TENM2: variants seen among roughly 807,000 people sequenced by gnomAD.
TENM2 encodes the protein teneurin transmembrane protein 2.
Under a neutral mutation model 245.2 loss-of-function variants are expected in TENM2, and 52 were observed. The ratio of observed to expected loss-of-function variants is 0.21; its 90% CI spans 0.17 to 0.27. TENM2 has a LOEUF of 0.27. Ranked by LOEUF, TENM2 falls within the 10% of genes least tolerant of loss-of-function variation. TENM2 has a pLI of 1.00. For synonymous variants in TENM2, 1,363 were observed against 1,438.9 expected (o/e 0.95, Z 1.19); for missense variants, 3,046 against 3,666.8 (o/e 0.83, Z 4.37).
chr5:167,977,990 C>T (rs1355654554), intron 4 of TENM2, among the ~76,000 whole-genome samples: 1 of 152,118 alleles, frequency 6.6e-6, no homozygotes, highest in Non-Finnish European at 1.5e-5. Context: ...CTATTAGTTC[C>T]TGCAAGATCT....
chr5:166,979,188 C>CAG, the TENM2 span, among the ~76,000 whole-genome samples: 6 of 97,610 alleles, frequency 6.1e-5, no homozygotes, highest in East Asian at 9.6e-4. Flanking sequence ...AGCAGCAGCA[C>CAG]CACCACCAGC....
intron 2 of TENM2, among the ~76,000 whole-genome samples, chr5:167,627,192 T>C (rs1778564585): frequency 6.6e-6 from 1 of 152,194 alleles, no homozygotes; most frequent in Admixed American, 6.5e-5. Context: ...AATCCATAGA[T>C]AATGGATTGA....
At chr5:167,719,717 G>A (rs1369374115) in intron 2 of TENM2, among the ~76,000 whole-genome samples, 2 of 152,196 alleles carry the variant, frequency 1.3e-5, no homozygotes, top group Non-Finnish European at 2.9e-5. Flanking sequence ...CTCAACCAGT[G>A]GCGATTTTGC....
intron 25 of TENM2, among the ~76,000 whole-genome samples, chr5:168,235,482 T>C (rs1765348227): frequency 6.6e-6 from 1 of 152,178 alleles, no homozygotes; most frequent in African/African-American, 2.4e-5. Context: ...TCTTATACCT[T>C]AGCAAGGAGA....
At chr5:167,000,102 C>G in the TENM2 span, among the ~76,000 whole-genome samples, 2 of 152,128 alleles carry the variant, frequency 1.3e-5, no homozygotes, top group Non-Finnish European at 2.9e-5. Context: ...GAAACTCCAT[C>G]AGATTTGGCA....
intron 2 of TENM2, among the ~76,000 whole-genome samples, chr5:167,558,219 G>T (rs4868800): frequency 0.45 from 67,682 of 152,034 alleles, 17,530 homozygotes; most frequent in Non-Finnish European, 0.58. Context: ...AAGCCCATGA[G>T]GCTTGGCCAC....
chr5:168,215,129 G>T lies in TENM2; in HGVS notation c.3935G>T (p.Arg1312Leu), dbSNP rs756307223. The change falls in exon 21 of 29, where the codon CGC becomes CTC. Residue 1312 changes from arginine (R) to leucine (L), a missense_variant. By Grantham distance (102) the Arg-to-Leu change is moderately radical. This residue lies in a region of TENM2 where 2,704 missense variants were observed against 3,331.9 expected (regional missense o/e 0.81). Coordinates refer to ENST00000518659, the Ensembl canonical transcript of TENM2. ...GACACCAACAGCAGGAGAATCTACC[G>T]CGTCAAGTCTCTGAGTGGAACCAAA... 5 of 1,613,746 alleles carry T rather than the reference G, an allele frequency of 3.1e-6. No individual in the cohort carries two copies. The African/African-American group carries it at 5.3e-5, about 17-fold the overall frequency.
At position 167,568,713 on chromosome 5, in the gene TENM2, TATTCAACTTGTTGAAA is replaced by T. The variant is rs538908164; in HGVS notation, c.502+193248_502+193263del. ...AATATATATTTCAAATAAAAGCATT[TATTCAACTTGTTGAAA>T]ATTCAACAATATTGTTCATCACCAT... On this transcript the variant is annotated intron_variant, in intron 2 of 28. Coordinates refer to ENST00000518659, the Ensembl canonical transcript of TENM2. Among the ~76,000 whole-genome samples, 351 of 151,988 alleles carry T rather than the reference TATTCAACTTGTTGAAA, an allele frequency of 2.3e-3. 3 individuals are homozygous for T. Among genetic ancestry groups the T allele is most frequent in the Admixed American group, 1.6e-3 (25 of 15,232 alleles).
At chr5:168,046,771 C>A (rs1407955631) in intron 5 of TENM2, among the ~76,000 whole-genome samples, 2 of 152,152 alleles carry the variant, frequency 1.3e-5, no homozygotes, top group Non-Finnish European at 2.9e-5. Context: ...GACCCCATTC[C>A]ACCATCAACC....
chr5:168,226,509 T>C (rs950951014), intron 24 of TENM2, among the ~76,000 whole-genome samples: 1 of 152,120 alleles, frequency 6.6e-6, no homozygotes, highest in Admixed American at 6.6e-5. Context: ...ACTGTCTACA[T>C]AGTTATCTGA....
At chr5:167,992,860 G>A in intron 4 of TENM2, 84 bp from the exon 7 acceptor site, 1 of 1,043,544 alleles carries the variant, frequency 9.6e-7, no homozygotes, top group Non-Finnish European at 1.5e-6. Context: ...GCTAGGACTA[G>A]ATAGAGCAGA....
intron 7 of TENM2, among the ~76,000 whole-genome samples, chr5:168,081,293 T>TCCTC (rs1443639143): frequency 6.6e-6 from 1 of 152,194 alleles, no homozygotes; most frequent in African/African-American, 2.4e-5. Context: ...TGGTAGATCT[T>TCCTC]CCTCCCTCCC....
At chr5:167,966,936 TTAA>T (rs1244369999) in intron 4 of TENM2, 1 of 152,194 alleles carries the variant, frequency 6.6e-6, no homozygotes, top group Non-Finnish European at 1.5e-5. Context: ...AACATGGAAA[TTAA>T]TGAGACCTTT....
intron 2 of TENM2, among the ~76,000 whole-genome samples, chr5:167,768,082 G>A (rs747567966): frequency 1.4e-4 from 21 of 152,116 alleles, no homozygotes; most frequent in Admixed American, 4.6e-4. Context: ...AGTAATGCGC[G>A]TCTTCCATTA....
At chr5:167,597,842 C>G (rs1776328447) in intron 2 of TENM2, among the ~76,000 whole-genome samples, 1 of 151,984 alleles carries the variant, frequency 6.6e-6, no homozygotes, top group Non-Finnish European at 1.5e-5. Context: ...CATATACATA[C>G]ACACATGTGC....
At chr5:166,993,477 G>T in the TENM2 span, among the ~76,000 whole-genome samples, 1 of 152,170 alleles carries the variant, frequency 6.6e-6, no homozygotes, top group Non-Finnish European at 1.5e-5. Flanking sequence ...CAATTCTAGA[G>T]CCAGGACCCA....
chr5:167,536,230 A>G (rs1430570695), intron 2 of TENM2, among the ~76,000 whole-genome samples: 1 of 152,154 alleles, frequency 6.6e-6, no homozygotes, highest in Non-Finnish European at 1.5e-5. Context: ...CAAAATTTTT[A>G]TCATAATGAC....
At chr5:167,301,010 C>T (rs1293350904) in intron 1 of TENM2, among the ~76,000 whole-genome samples, 2 of 151,986 alleles carry the variant, frequency 1.3e-5, no homozygotes, top group Non-Finnish European at 2.9e-5. Context: ...AGGGAACAGC[C>T]CTTGAAAAGA....
chr5:167,742,959 A>G (rs1331354848), intron 2 of TENM2, among the ~76,000 whole-genome samples: 4 of 146,234 alleles, frequency 2.7e-5, no homozygotes, highest in Non-Finnish European at 5.9e-5. Context: ...TGGGTGACAG[A>G]GTGAGACCTT....
Sources: allele counts gnomAD v4.1 joint callset (sites outside exome capture counted in the v4.1 genomes callset), GRCh38; gene constraint gnomAD v4.1.1; regional missense constraint gnomAD v4.1.1; transcripts MANE v1.5; gene names NCBI Gene and HGNC (gene_info 2026-07-23, HGNC 2026-07-21).